Variants in CDC42BPG observed in about 807,000 individuals in gnomAD.
CDC42BPG encodes CDC42 binding protein kinase gamma.
A neutral mutation model predicts 192.2 loss-of-function variants in CDC42BPG; 157 were observed. That is an observed-to-expected ratio of 0.82 (90% CI 0.72 to 0.93). The LOEUF is 0.93. Ranked by LOEUF, CDC42BPG falls within the 40% of genes least tolerant of loss-of-function variation. The pLI, the probability that CDC42BPG is intolerant of heterozygous loss-of-function variation, is 0.00. For missense variants in CDC42BPG, 1,992 were observed against 2,122.1 expected (o/e 0.94, Z 1.20); for synonymous variants, 981 against 918.5 (o/e 1.07, Z -1.23).
At position 64,834,575 on chromosome 11, in the gene CDC42BPG, G is replaced by T. The variant is rs749519995; in HGVS notation, c.2178C>A (p.Asp726Glu). 6.4e-7 allele frequency: 1 copy of T among 1,558,492 alleles called. No individual in the cohort carries two copies. Among genetic ancestry groups the T allele is most frequent in the South Asian group, 1.2e-5 (1 of 85,020 alleles). The change falls in exon 19 of 37, where the codon GAC becomes GAA. Residue 726 changes from aspartate (D) to glutamate (E), a missense_variant and splice_region_variant. Around this residue, in one of 2 missense-constraint regions of CDC42BPG, gnomAD observed 1,656 missense variants for 1,844.3 expected, o/e 0.90. Coordinates refer to ENST00000342711, the MANE Select transcript of CDC42BPG (RefSeq NM_017525.3). ...GTQTLPARPL[D>E]HQWKARRLQK... ...GCAGTCGCCGCGCCTTCCACTGGTG[G>T]TCCTGGTGGCCACGGAGCACCCGTA...
Position 64,836,831 on chromosome 11 carries a change from G to T in CDC42BPG, c.1304-12C>A. 3.1e-6 allele frequency: 5 copies of T among 1,610,216 alleles called. No individual in the cohort carries two copies. Among genetic ancestry groups the T allele is most frequent in the Non-Finnish European group, 4.2e-6 (5 of 1,177,996 alleles). On this transcript the variant is annotated splice_polypyrimidine_tract_variant and intron_variant, in intron 10 of 36. Coordinates refer to ENST00000342711, the MANE Select transcript of CDC42BPG (RefSeq NM_017525.3). ...GGCGTGCAGGGCCTCTGGAGGGGAG[G>T]TGGTACCCACAGGTGAGTCCACTCC...
chr11:64,836,721 G>A lies in CDC42BPG; in HGVS notation c.1384+18C>T. ...GACTCAGCCCTGGGGGGGGGGGGGG[G>A]GTGGGCGGAAGGGATACCTGGCAGC... is the stretch of plus-strand genomic sequence containing the variant. On this transcript the variant is annotated intron_variant, in intron 11 of 36. Transcript: ENST00000342711. The A allele has an allele frequency of 3.5e-6, 3 of 857,204 alleles. No individual in the cohort carries two copies. Among genetic ancestry groups the A allele is most frequent in the South Asian group, 3.5e-5 (2 of 56,976 alleles). 53.1% of individuals were successfully genotyped at this position (857,204 alleles called of 1,614,324 possible). A position where few individuals can be genotyped will look rare whatever the true frequency, so the allele number is the denominator to read the frequency against.
intron 20 of CDC42BPG, 63 bp downstream of exon 20, chr11:64,834,203 C>T (rs1208629383): frequency 6.7e-7 from 1 of 1,492,156 alleles, no homozygotes; most frequent in Non-Finnish European, 9.0e-7. Context: ...CGTGGAGCCC[C>T]CTTGGCAAGT....
chr11:64,840,227 C>A lies in CDC42BPG; in HGVS notation c.474G>T (p.Thr158=). The A allele has an allele frequency of 1.9e-6, 3 of 1,612,950 alleles. No homozygotes were observed. Among genetic ancestry groups the A allele is most frequent in the South Asian group, 2.2e-5 (2 of 91,086 alleles). ...GACGGTCCTCGAAGCGGCTCAGCAG[C>A]GTCAGGAGGTCCCCACCAGCATAGT... ...MDYYAGGDLL[T]LLSRFEDRLP... is the part of the protein sequence containing the mutation. Residue 158 remains threonine, a synonymous_variant, in exon 5 of 37, where the codon ACG becomes ACT. Transcript: ENST00000342711.
rs567701576 is a variant in CDC42BPG, at chr11:64,838,240, C to G, written c.1126-78G>C. ...CCAAGGCCCAGGAGCCCCCTGGGAC[C>G]AGGTGCGACCACCTCCTGCACAGGT... On this transcript the variant is annotated intron_variant, in intron 8 of 36. Coordinates refer to ENST00000342711, the MANE Select transcript of CDC42BPG (RefSeq NM_017525.3). The G allele has an allele frequency of 6.7e-5, 75 of 1,118,336 alleles. 1 individual carries two copies. In the African/African-American group the frequency reaches 9.4e-4, roughly 14 times the overall value. The allele number at this position is 1,118,336 out of a possible 1,614,324, so 69.3% of individuals were successfully genotyped here.
chr11:64,844,649 C>A lies in CDC42BPG; in HGVS notation c.-80G>T. 1 of 1,127,240 alleles carries A rather than the reference C, an allele frequency of 8.9e-7. No homozygotes were observed. The highest frequency in any genetic ancestry group is 1.1e-6 in the Non-Finnish European group (1 of 895,814). 69.8% of individuals were successfully genotyped at this position (1,127,240 alleles called of 1,614,324 possible). A position where few individuals can be genotyped will look rare whatever the true frequency, so the allele number is the denominator to read the frequency against. Reference sequence around the variant, plus strand: ...CTGTCGGGCCGTCCGTCCGCCCAACCGTCTGAGGCTCTGTCCGCGCGTCCT... The same window carrying A: ...CTGTCGGGCCGTCCGTCCGCCCAACAGTCTGAGGCTCTGTCCGCGCGTCCT... On this transcript the variant is annotated 5_prime_UTR_variant, in exon 1 of 37. Transcript: ENST00000342711.
In CDC42BPG at chr11:64,824,253, G is replaced by C; in HGVS notation, c.*220C>G. ...CATTCTATTCCCAATGGCTTAGAAA[G>C]GCTGGGGCTGGGAACAGAGGGGTAA... is the stretch of plus-strand genomic sequence containing the variant. On this transcript the variant is annotated 3_prime_UTR_variant, in exon 37 of 37. Coordinates refer to ENST00000342711, the MANE Select transcript of CDC42BPG (RefSeq NM_017525.3). 1 of 621,606 alleles carries C rather than the reference G, an allele frequency of 1.6e-6. No homozygotes were observed. The highest frequency in any genetic ancestry group is 2.9e-6 in the Non-Finnish European group (1 of 341,130). 38.5% of individuals were successfully genotyped at this position (621,606 alleles called of 1,614,324 possible).
chr11:64,836,646 C>G, intron 11 of CDC42BPG, 93 bp downstream of exon 11: 1 of 1,236,420 alleles, frequency 8.1e-7, no homozygotes, highest in Non-Finnish European at 1.1e-6. Context: ...AAATGCTCTC[C>G]CAGGATCATA....
In CDC42BPG at chr11:64,836,369, G is replaced by A. The variant is rs1439390953; in HGVS notation, c.1488+58C>T. The A allele has an allele frequency of 3.7e-6, 3 of 806,782 alleles. No individual in the cohort carries two copies. The Admixed American group carries it at 6.7e-5, about 18-fold the overall frequency. The allele number at this position is 806,782 out of a possible 1,614,324, so 50.0% of individuals were successfully genotyped here. A position where few individuals can be genotyped will look rare whatever the true frequency, so the allele number is the denominator to read the frequency against. On this transcript the variant is annotated intron_variant, in intron 12 of 36. Coordinates refer to ENST00000342711, the MANE Select transcript of CDC42BPG (RefSeq NM_017525.3). The stretch of plus-strand genomic sequence containing the variant: ...GCACGAACCGTCCATGGAGCCCAGG[G>A]CCACTCACCCACCTCACCCACCTCA...
chr11:64,835,942 A>G, intron 13 of CDC42BPG, 91 bp from the exon 14 acceptor site: 1 of 1,346,748 alleles, frequency 7.4e-7, no homozygotes, highest in Non-Finnish European at 1.0e-6. Context: ...TGCCAGCCAC[A>G]GTGGACATGA....
At chr11:64,824,896 C>T (rs1942360601) in intron 36 of CDC42BPG, among the ~76,000 whole-genome samples, 1 of 151,946 alleles carries the variant, frequency 6.6e-6, no homozygotes, top group Non-Finnish European at 1.5e-5. Flanking sequence ...GACAGGCATG[C>T]ACCACCATGC....
In CDC42BPG at chr11:64,841,842, T is replaced by C. The variant is rs776741859; in HGVS notation, c.223A>G (p.Lys75Glu). 3 of 1,613,892 alleles carry C rather than the reference T, an allele frequency of 1.9e-6. No homozygotes were observed. The highest frequency in any genetic ancestry group is 1.6e-4 in the Middle Eastern group (1 of 6,082). ...CCAAAGGCTCCTCGGCCGATCACCT[T>C]CAAGATCTCAAAGTCATCTCTCTGC... is the stretch of plus-strand genomic sequence containing the variant. ...RLQRDDFEIL[K>E]VIGRGAFGEV... The change falls in exon 2 of 37, where the codon AAG becomes GAG. Residue 75 changes from lysine (K) to glutamate (E), a missense_variant. This residue lies in a region of CDC42BPG where 1,656 missense variants were observed against 1,844.3 expected (regional missense o/e 0.90). Transcript: ENST00000342711.
At position 64,830,243 on chromosome 11, in the gene CDC42BPG, A is replaced by G; in HGVS notation, c.3318T>C (p.Leu1106=). ...AGAGCCCCTCCTCGGTGCCAAGCGCAAGTCGATCCTGGTCTGGTAGAGGGA... is the reference window on the plus strand; with the variant it reads ...AGAGCCCCTCCTCGGTGCCAAGCGCGAGTCGATCCTGGTCTGGTAGAGGGA... ...LCAAILDQDR[L]ALGTEEGLFV... The change falls in exon 29 of 37, where the codon CTT becomes CTC. Residue 1106 remains leucine, a synonymous_variant. Coordinates refer to ENST00000342711, the MANE Select transcript of CDC42BPG (RefSeq NM_017525.3). 6.2e-7 allele frequency: 1 copy of G among 1,610,362 alleles called. No homozygotes were observed. The highest frequency in any genetic ancestry group is 8.5e-7 in the Non-Finnish European group (1 of 1,178,272).
chr11:64,826,336 CT>C (rs1942413163), intron 36 of CDC42BPG, 133 bp downstream of exon 36: 2 of 678,316 alleles, frequency 2.9e-6, no homozygotes, highest in Non-Finnish European at 2.7e-6. Context: ...AGGTAAGAAT[CT>C]GCATCTCGTA....
intron 17 of CDC42BPG, 30 bp downstream of exon 17, chr11:64,835,017 T>TTCCCCCCCCCCC: frequency 6.4e-7 from 1 of 1,571,952 alleles, no homozygotes; most frequent in Non-Finnish European, 8.7e-7. Flanking sequence ...TCGCCTGCGT[T>TTCCCCCCCCCCC]CCCCACCCCG....
At chr11:64,835,938 CCA>C in intron 13 of CDC42BPG, 87 bp from the exon 14 acceptor site, 1 of 1,368,524 alleles carries the variant, frequency 7.3e-7, no homozygotes. Flanking sequence ...GACCTGCCAG[CCA>C]CAGTGGACAT....
At chr11:64,828,606 T>C (rs955727998) in intron 30 of CDC42BPG, among the ~76,000 whole-genome samples, 5 of 152,166 alleles carry the variant, frequency 3.3e-5, no homozygotes, top group Non-Finnish European at 7.3e-5. Flanking sequence ...ACTGGGGTGG[T>C]ACCTAGTTAA....
intron 18 of CDC42BPG, 97 bp from the exon 19 acceptor site, chr11:64,834,674 C>A: frequency 7.0e-7 from 1 of 1,434,420 alleles, no homozygotes; most frequent in East Asian, 2.5e-5. Context: ...TGCCACCCAG[C>A]CAGGCTCAAA....
At chr11:64,824,637 A>G in intron 36 of CDC42BPG, 108 bp from the exon 37 acceptor site, 1 of 707,924 alleles carries the variant, frequency 1.4e-6, no homozygotes, top group Admixed American at 2.7e-5. Flanking sequence ...CCACTGTATC[A>G]GGGCCCCTGG....
Sources: gnomAD v4.1 joint callset for allele counts (sites outside exome capture counted in the v4.1 genomes callset) on GRCh38, gnomAD v4.1.1 for gene constraint, gnomAD v4.1.1 regional missense constraint, MANE v1.5 for transcripts, NCBI Gene and HGNC (gene_info 2026-07-23, HGNC 2026-07-21) for gene names.